The following PSMG2 variants were observed in gnomAD, a reference collection of about 807,000 sequenced individuals.
The protein encoded by PSMG2 is proteasome assembly chaperone 2.
In PSMG2, 21 loss-of-function variants were observed where a neutral mutation model predicts 31.5. The observed-to-expected ratio is 0.67, with a 90% confidence interval of 0.47 to 0.96. The LOEUF (loss-of-function observed/expected upper bound fraction) is 0.96. Among genes scored for constraint, PSMG2 ranks in the 40% least tolerant of loss-of-function variants. The pLI is 0.00. For synonymous variants in PSMG2, 120 were observed against 110.4 expected, an observed-to-expected ratio of 1.09 and a Z score of -0.54; for missense variants, 318 against 321.2, an observed-to-expected ratio of 0.99 and a Z score of 0.08.
chr18:12,702,320 C>G, upstream of PSMG2: 1 of 567,590 alleles, frequency 1.8e-6, no homozygotes, highest in Non-Finnish European at 3.1e-6. Context: ...GAGACGAGGA[C>G]GCTCTCCTGC....
At chr18:12,697,655 G>C (rs1025366979) in intron 1 of PSMG2, among the ~76,000 whole-genome samples, 4 of 152,164 alleles carry the variant, frequency 2.6e-5, no homozygotes, top group African/African-American at 9.7e-5. Flanking sequence ...AGTGCTTTCT[G>C]ATTCATAAGA....
chr18:12,674,478 C>T, intron 1 of PSMG2: 2 of 1,313,592 alleles, frequency 1.5e-6, no homozygotes, highest in Non-Finnish European at 2.2e-6. Flanking sequence ...AAAACCCCTG[C>T]CGGACTGATC....
chr18:12,693,505 A>T (rs2145080944), intron 1 of PSMG2, among the ~76,000 whole-genome samples: 1 of 152,326 alleles, frequency 6.6e-6, no homozygotes, highest in South Asian at 2.1e-4. Flanking sequence ...TCACATAAAT[A>T]TATGAATAAC....
chr18:12,675,416 A>T (rs939144668), intron 1 of PSMG2, among the ~76,000 whole-genome samples: 17 of 151,882 alleles, frequency 1.1e-4, no homozygotes, highest in Admixed American at 8.5e-4. Flanking sequence ...AATAAATAAA[A>T]TAAATAAAAA....
At chr18:12,669,556 T>C (rs1568005712) in intron 1 of PSMG2, among the ~76,000 whole-genome samples, 1 of 152,118 alleles carries the variant, frequency 6.6e-6, no homozygotes, top group Non-Finnish European at 1.5e-5. Context: ...TAGACATATA[T>C]AAAACTACAT....
chr18:12,663,051 C>T (rs1032118801), intron 1 of PSMG2, among the ~76,000 whole-genome samples: 1 of 152,008 alleles, frequency 6.6e-6, no homozygotes, highest in Admixed American at 6.6e-5. Flanking sequence ...AATTTTAGGC[C>T]AAGCCACTAT....
intron 5 of PSMG2, 39 bp downstream of exon 5, chr18:12,720,722 T>C (rs554565808): frequency 1.3e-6 from 2 of 1,579,650 alleles, no homozygotes; most frequent in South Asian, 2.3e-5. Context: ...CCCACTTTAC[T>C]TAAAAATGAA....
chr18:12,683,856 A>G (rs995254064), intron 1 of PSMG2, among the ~76,000 whole-genome samples: 1 of 152,088 alleles, frequency 6.6e-6, no homozygotes, highest in African/African-American at 2.4e-5. Flanking sequence ...ATTTACAATT[A>G]TAATTATGAA....
intron 1 of PSMG2, among the ~76,000 whole-genome samples, chr18:12,694,324 G>C (rs1370538408): frequency 6.6e-6 from 1 of 152,172 alleles, no homozygotes. Context: ...GACAGGCAGG[G>C]TGGAGTAAAG....
intron 1 of PSMG2, chr18:12,661,690 G>T (rs185070100): frequency 9.7e-4 from 147 of 152,292 alleles, no homozygotes; most frequent in Non-Finnish European, 1.3e-3. Context: ...CAGGAGAATC[G>T]CTTGAACCCA....
intron 1 of PSMG2, among the ~76,000 whole-genome samples, chr18:12,704,204 A>G (rs964633393): frequency 6.6e-6 from 1 of 152,210 alleles, no homozygotes; most frequent in Non-Finnish European, 1.5e-5. Flanking sequence ...GTTACCAGTG[A>G]AGTGGTGAAG....
chr18:12,700,046 A>AATTAG (rs1598668058), upstream of PSMG2: 1 of 455,954 alleles, frequency 2.2e-6, no homozygotes, highest in East Asian at 3.5e-5. Flanking sequence ...TCCTAGCCTA[A>AATTAG]TTAAAATAAT....
intron 2 of PSMG2, among the ~76,000 whole-genome samples, chr18:12,710,341 G>C (rs149603215): frequency 4.9e-4 from 74 of 152,280 alleles, no homozygotes; most frequent in African/African-American, 1.7e-3. Context: ...TGCTGTGATA[G>C]GGGCACTTAA....
chr18:12,695,885 CT>C (rs1427700355), intron 1 of PSMG2, among the ~76,000 whole-genome samples: 42 of 149,858 alleles, frequency 2.8e-4, no homozygotes, highest in African/African-American at 9.9e-4. Flanking sequence ...CACACACACA[CT>C]AAAAATTAGA....
chr18:12,704,594 A>T (rs2040244107), intron 1 of PSMG2, among the ~76,000 whole-genome samples: 1 of 152,018 alleles, frequency 6.6e-6, no homozygotes, highest in African/African-American at 2.4e-5. Context: ...GTCTCAAAAA[A>T]CTTTTTTTTA....
chr18:12,715,894 AC>A (rs1343302770), intron 3 of PSMG2, among the ~76,000 whole-genome samples: 1 of 152,134 alleles, frequency 6.6e-6, no homozygotes, highest in Non-Finnish European at 1.5e-5. Context: ...CATGCAGTAA[AC>A]CCTCTGTGAA....
chr18:12,707,795 T>C (rs1274979801), intron 2 of PSMG2, among the ~76,000 whole-genome samples: 6 of 152,216 alleles, frequency 3.9e-5, no homozygotes, highest in African/African-American at 1.2e-4. Flanking sequence ...CTTTGGTGAA[T>C]TGAAAGACAA....
chr18:12,674,218 C>T (rs1598614535), intron 1 of PSMG2, among the ~76,000 whole-genome samples: 1 of 152,152 alleles, frequency 6.6e-6, no homozygotes, highest in East Asian at 1.9e-4. Context: ...GGGAAGACTG[C>T]TTGAGCCCAG....
rs1299630143 is a variant in PSMG2, at chr18:12,725,542, GT to G, written c.*15del. On this transcript the variant is annotated 3_prime_UTR_variant, in exon 7 of 7. Coordinates refer to ENST00000317615, the MANE Select transcript of PSMG2 (RefSeq NM_020232.5). ...CCTGCACTTTTCTGATCTAATTTCTGTTTTATACCTTATACCCAAAACACTT... is the reference window on the plus strand; with the variant it reads ...CCTGCACTTTTCTGATCTAATTTCTGTTTATACCTTATACCCAAAACACTT... The G allele has an allele frequency of 6.4e-7, 1 of 1,553,686 alleles. No homozygotes were observed. Among genetic ancestry groups the G allele is most frequent in the Non-Finnish European group, 8.9e-7 (1 of 1,128,048 alleles).
Sources: gnomAD v4.1 joint callset for allele counts (sites outside exome capture counted in the v4.1 genomes callset) on GRCh38, gnomAD v4.1.1 for gene constraint, MANE v1.5 for transcripts, NCBI Gene and HGNC (gene_info 2026-07-23, HGNC 2026-07-21) for gene names.